The following KLRG1 variants were observed in gnomAD, a reference collection of about 807,000 sequenced individuals.
The protein encoded by KLRG1 is killer cell lectin like receptor G1, also known as killer cell lectin-like receptor subfamily G member 1.
Under a neutral mutation model 21.8 loss-of-function variants are expected in KLRG1, and 16 were observed. The observed-to-expected ratio is 0.73, with a 90% CI of 0.50 to 1.11. KLRG1 has a LOEUF of 1.11. Ranked by LOEUF, KLRG1 falls within the 50% of genes most tolerant of loss-of-function variation. The pLI is 0.00. For synonymous variants in KLRG1, 69 were observed against 75.9 expected (o/e 0.91, Z 0.47); for missense variants, 173 against 218.3 (o/e 0.79, Z 1.31).
At chr12:9,005,713 A>G (rs750605914) in intron 3 of KLRG1, among the ~76,000 whole-genome samples, 2 of 152,300 alleles carry the variant, frequency 1.3e-5, no homozygotes, top group South Asian at 4.1e-4. Flanking sequence ...CGTGGAAGAC[A>G]ATTTTTCCAT....
At chr12:9,098,691 C>T in the KLRG1 span, 10 of 1,612,074 alleles carry the variant, frequency 6.2e-6, no homozygotes, top group East Asian at 8.9e-5. Flanking sequence ...ACTGAGGAGC[C>T]GCTGTGACTC....
the KLRG1 span, among the ~76,000 whole-genome samples, chr12:9,028,567 C>A: frequency 1.3e-5 from 2 of 152,090 alleles, no homozygotes; most frequent in Admixed American, 1.3e-4. Context: ...CCTCAGCCTC[C>A]CAAGTAGCTG....
chr12:9,024,356 C>G, the KLRG1 span, among the ~76,000 whole-genome samples: 2 of 152,010 alleles, frequency 1.3e-5, no homozygotes, highest in Non-Finnish European at 2.9e-5. Context: ...GCATTCTCTT[C>G]TGTTCCTTTT....
At chr12:9,016,193 A>G in the KLRG1 span, among the ~76,000 whole-genome samples, 2 of 152,170 alleles carry the variant, frequency 1.3e-5, no homozygotes, top group Non-Finnish European at 2.9e-5. Flanking sequence ...ATGAAAAAAG[A>G]TACAAAAGGT....
chr12:8,979,667 A>G (rs762339308), intron 1 of KLRG1, among the ~76,000 whole-genome samples: 66 of 152,004 alleles, frequency 4.3e-4, no homozygotes, highest in African/African-American at 1.4e-3. Context: ...TTCTTTCTCT[A>G]TTCTCCTTGT....
intron 1 of KLRG1, among the ~76,000 whole-genome samples, chr12:8,977,370 A>ATTTTTTTT (rs1229287155): frequency 2.3e-5 from 3 of 127,844 alleles, no homozygotes; most frequent in Non-Finnish European, 3.3e-5. Context: ...TGCCTGGCTA[A>ATTTTTTTT]TTTTTTTTTT....
At chr12:9,068,782 G>T in the KLRG1 span, 9 of 1,609,216 alleles carry the variant, frequency 5.6e-6, no homozygotes, top group Non-Finnish European at 5.1e-6. Flanking sequence ...GCTGGTTTCA[G>T]ATCTCTTACT....
chr12:8,983,932 T>C (rs994353870), intron 1 of KLRG1, among the ~76,000 whole-genome samples: 1 of 152,194 alleles, frequency 6.6e-6, no homozygotes, highest in African/African-American at 2.4e-5. Flanking sequence ...TTCTTATACC[T>C]GTAGGTTGTA....
the KLRG1 span, chr12:9,167,670 T>A: frequency 6.6e-6 from 1 of 152,242 alleles, no homozygotes; most frequent in African/African-American, 2.4e-5. Context: ...TTTCCTCATA[T>A]ACCTGATTCA....
the KLRG1 span, chr12:9,170,117 C>G: frequency 7.9e-5 from 12 of 152,272 alleles, no homozygotes; most frequent in African/African-American, 2.9e-4. The surrounding 1 kb of genome is among the most constrained non-coding windows in gnomAD (Gnocchi z 4.6). Context: ...CACATTGAGA[C>G]TGACTAGGCA....
chr12:9,076,979 G>T, the KLRG1 span: 1 of 1,494,530 alleles, frequency 6.7e-7, no homozygotes, highest in Non-Finnish European at 8.9e-7. Flanking sequence ...ATGTAAACAG[G>T]CATATTAGCA....
chr12:9,194,342 C>G, the KLRG1 span: 1 of 1,099,632 alleles, frequency 9.1e-7, no homozygotes, highest in Non-Finnish European at 1.3e-6. Flanking sequence ...AACAACCTCC[C>G]CCTCAAAAAA....
At chr12:9,057,030 C>T in the KLRG1 span, among the ~76,000 whole-genome samples, 1 of 151,970 alleles carries the variant, frequency 6.6e-6, no homozygotes, top group Non-Finnish European at 1.5e-5. Context: ...ACTCTTGGTA[C>T]TTTGGATTAT....
At chr12:8,972,169 C>T (rs2377675) in intron 1 of KLRG1, among the ~76,000 whole-genome samples, 54,738 of 147,036 alleles carry the variant, frequency 0.37, 10,788 homozygotes, top group South Asian at 0.44. Flanking sequence ...TCCATTTTTT[C>T]TTTTTTGAGA....
chr12:9,078,634 T>C, the KLRG1 span, among the ~76,000 whole-genome samples: 2 of 152,240 alleles, frequency 1.3e-5, no homozygotes, highest in Non-Finnish European at 2.9e-5. Flanking sequence ...CCACAATGGT[T>C]GAACAAATTT....
chr12:9,004,365 G>A (rs1159498760), intron 3 of KLRG1, among the ~76,000 whole-genome samples: 1 of 152,172 alleles, frequency 6.6e-6, no homozygotes, highest in Non-Finnish European at 1.5e-5. Flanking sequence ...TCCAGCACCT[G>A]TTGTTTCCTG....
chr12:9,041,270 G>A, the KLRG1 span, among the ~76,000 whole-genome samples: 1 of 152,214 alleles, frequency 6.6e-6, no homozygotes, highest in African/African-American at 2.4e-5. Context: ...GGGAGGCAGA[G>A]GTTGCAGTAA....
the KLRG1 span, chr12:9,127,872 A>C: frequency 3.7e-6 from 1 of 270,898 alleles, no homozygotes; most frequent in Non-Finnish European, 7.5e-6. Context: ...GGGCCCCGGC[A>C]ATTACAGCCA....
chr12:9,047,562 T>C, the KLRG1 span, among the ~76,000 whole-genome samples: 1 of 152,106 alleles, frequency 6.6e-6, no homozygotes, highest in Non-Finnish European at 1.5e-5. Context: ...AATATATGAA[T>C]GATTAATTAG....
Sources: allele counts gnomAD v4.1 joint callset (sites outside exome capture counted in the v4.1 genomes callset), GRCh38; gene constraint gnomAD v4.1.1; non-coding constraint Gnocchi (gnomAD v3.1); transcripts MANE v1.5; gene names NCBI Gene and HGNC (gene_info 2026-07-23, HGNC 2026-07-21).